Variants in NEK11 observed in about 807,000 individuals in gnomAD.
NEK11 encodes the protein NIMA related kinase 11.
A neutral mutation model predicts 80.7 loss-of-function variants in NEK11; 72 were observed. The observed-to-expected ratio is 0.89, with a 90% CI of 0.74 to 1.08. The LOEUF is 1.08. Ranked by LOEUF, NEK11 falls within the 50% of genes least tolerant of loss-of-function variation. The pLI is 0.00. For synonymous variants in NEK11, 251 were observed against 260.7 expected (o/e 0.96, Z 0.36); for missense variants, 764 against 763.6 (o/e 1.00, Z -0.01).
intron 14 of NEK11, among the ~76,000 whole-genome samples, chr3:131,182,536 A>G (rs1453468221): frequency 1.3e-5 from 2 of 152,192 alleles, no homozygotes; most frequent in Non-Finnish European, 1.5e-5. Context: ...GGATATATTT[A>G]TATGAATGTG....
chr3:131,122,195 A>G (rs563545174), intron 5 of NEK11, among the ~76,000 whole-genome samples: 1 of 152,274 alleles, frequency 6.6e-6, no homozygotes, highest in East Asian at 1.9e-4. Context: ...GAAGAGCCAT[A>G]CTTGGAAATC....
chr3:131,171,076 A>G, intron 14 of NEK11, 189 bp downstream of exon 14: 1 of 611,586 alleles, frequency 1.6e-6, no homozygotes, highest in Non-Finnish European at 2.9e-6. Context: ...TGTCCTCTCT[A>G]TCTTCTTTGC....
intron 7 of NEK11, 194 bp downstream of exon 7, chr3:131,134,150 T>C (rs1433571962): frequency 2.2e-6 from 1 of 454,280 alleles, no homozygotes; most frequent in African/African-American, 2.0e-5. Flanking sequence ...AAAATTCTTT[T>C]TATTCAGTGA....
intron 7 of NEK11, among the ~76,000 whole-genome samples, chr3:131,140,601 C>T (rs527451096): frequency 1.2e-4 from 18 of 152,270 alleles, no homozygotes; most frequent in African/African-American, 3.6e-4. Context: ...ATCAGGAGAA[C>T]GGCAAGCAGG....
intron 14 of NEK11, among the ~76,000 whole-genome samples, chr3:131,211,860 T>G (rs940040372): frequency 2.6e-5 from 4 of 152,192 alleles, no homozygotes; most frequent in African/African-American, 9.7e-5. Flanking sequence ...ATTCTAGTTA[T>G]CCATTCTTCT....
chr3:131,067,197 C>G (rs745356460), intron 3 of NEK11, among the ~76,000 whole-genome samples: 2 of 152,176 alleles, frequency 1.3e-5, no homozygotes, highest in Non-Finnish European at 2.9e-5. Flanking sequence ...TGTCTCTGCT[C>G]TGCCACTGGA....
At chr3:131,218,446 C>T (rs918865019) in intron 14 of NEK11, among the ~76,000 whole-genome samples, 1 of 152,122 alleles carries the variant, frequency 6.6e-6, no homozygotes, top group African/African-American at 2.4e-5. Flanking sequence ...CAGGACTGCC[C>T]CTGGGGCAGA....
chr3:131,200,147 G>A (rs113716624), intron 14 of NEK11, among the ~76,000 whole-genome samples: 35 of 152,232 alleles, frequency 2.3e-4, no homozygotes, highest in African/African-American at 7.5e-4. Flanking sequence ...AAGTGACAAG[G>A]AAACTAATTG....
Position 131,143,523 on chromosome 3 carries a change from G to C in NEK11, c.648-8865G>C, listed in dbSNP as rs114001555. ...CATGAGTTTTGAGTTTTGTTCTGTA[G>C]CTGCTCTGTTTTCATATGTGGATTC... On this transcript the variant is annotated intron_variant, in intron 7 of 17. Coordinates refer to ENST00000383366, the MANE Select transcript of NEK11 (RefSeq NM_024800.5). Among the ~76,000 whole-genome samples the C allele has an allele frequency of 4.1e-3, 617 of 151,904 alleles. 2 individuals carry two copies. The highest frequency in any genetic ancestry group is 0.013 in the African/African-American group (559 of 41,458).
chr3:131,195,886 T>G (rs1003014262), intron 14 of NEK11, among the ~76,000 whole-genome samples: 11 of 149,494 alleles, frequency 7.4e-5, no homozygotes, highest in African/African-American at 2.7e-4. Context: ...GCTCTGTCAA[T>G]TTTGATAATT....
chr3:131,029,634 AT>A lies in NEK11; in HGVS notation c.-72del. 3.5e-6 allele frequency: 5 copies of A among 1,424,078 alleles called. No individual in the cohort carries two copies. The South Asian group carries it at 6.3e-5, about 18-fold the overall frequency. The allele number at this position is 1,424,078 out of a possible 1,614,324, so 88.2% of individuals were successfully genotyped here. On this transcript the variant is annotated 5_prime_UTR_variant, in exon 3 of 18. It introduces an in-frame stop codon into an upstream open reading frame of the 5' UTR. Transcript: ENST00000383366. ...TAAGGAACTGACCAACACTGGATGAATTTGACCATTTCTTAGGAGACTGGAA... is the reference window on the plus strand; with the variant it reads ...TAAGGAACTGACCAACACTGGATGAATTGACCATTTCTTAGGAGACTGGAA...
chr3:131,189,513 C>A (rs928027235), intron 14 of NEK11, among the ~76,000 whole-genome samples: 9 of 152,196 alleles, frequency 5.9e-5, no homozygotes, highest in African/African-American at 2.2e-4. Flanking sequence ...CATGAAGCCT[C>A]CATTCTCACA....
At chr3:131,129,729 T>C (rs890278880) in intron 5 of NEK11, among the ~76,000 whole-genome samples, 2 of 152,242 alleles carry the variant, frequency 1.3e-5, no homozygotes, top group African/African-American at 4.8e-5. Flanking sequence ...TGCCTTTGCT[T>C]CTTTGTCAAA....
intron 16 of NEK11, among the ~76,000 whole-genome samples, chr3:131,249,751 A>C (rs2095666522): frequency 6.6e-6 from 1 of 152,144 alleles, no homozygotes. Context: ...TAAGGATGTT[A>C]ACATTTCCTC....
intron 4 of NEK11, among the ~76,000 whole-genome samples, chr3:131,090,531 A>G (rs1276059942): frequency 1.3e-5 from 2 of 152,266 alleles, no homozygotes; most frequent in Non-Finnish European, 2.9e-5. Flanking sequence ...GAATATACTT[A>G]CAGATATTGT....
intron 14 of NEK11, among the ~76,000 whole-genome samples, chr3:131,212,772 G>A (rs2094680102): frequency 6.6e-6 from 1 of 152,310 alleles, no homozygotes; most frequent in East Asian, 1.9e-4. Context: ...ATTTCAAGTT[G>A]CAAAATAATT....
intron 17 of NEK11, among the ~76,000 whole-genome samples, chr3:131,282,055 C>G (rs2096403837): frequency 6.6e-6 from 1 of 152,166 alleles, no homozygotes; most frequent in Admixed American, 6.5e-5. Flanking sequence ...ACCTTGCTTA[C>G]TGGGAGTCAA....
At chr3:131,340,574 GAGA>G (rs916440460) in intron 17 of NEK11, among the ~76,000 whole-genome samples, 29 of 152,318 alleles carry the variant, frequency 1.9e-4, no homozygotes, top group African/African-American at 6.7e-4. Flanking sequence ...GGGCAGGGGA[GAGA>G]AGAAGAGCTT....
chr3:131,092,115 C>T (rs755646132), intron 4 of NEK11, among the ~76,000 whole-genome samples: 1 of 152,216 alleles, frequency 6.6e-6, no homozygotes, highest in Non-Finnish European at 1.5e-5. Context: ...AACAATTTCT[C>T]CCTATTAGTC....
Sources: gnomAD v4.1 joint callset for allele counts (sites outside exome capture counted in the v4.1 genomes callset) on GRCh38, gnomAD v4.1.1 for gene constraint, MANE v1.5 for transcripts, NCBI Gene and HGNC (gene_info 2026-07-23, HGNC 2026-07-21) for gene names.